Variants in NPAS3 observed in about 807,000 individuals in gnomAD.
The protein encoded by NPAS3 is neuronal PAS domain protein 3.
A neutral mutation model predicts 73.1 loss-of-function variants in NPAS3; 14 were observed. That is an observed-to-expected ratio of 0.19 (90% CI 0.13 to 0.30). NPAS3 has a LOEUF of 0.30. NPAS3 is among the 10% of genes least tolerant of loss of function. NPAS3 has a pLI of 1.00. For synonymous variants in NPAS3, 620 were observed against 541.5 expected (o/e 1.14, Z -2.01); for missense variants, 1,096 against 1,250.0 (o/e 0.88, Z 1.86).
intron 1 of NPAS3, among the ~76,000 whole-genome samples, chr14:32,963,730 G>A (rs1555310697): frequency 6.6e-6 from 1 of 152,106 alleles, no homozygotes; most frequent in South Asian, 2.1e-4. Context: ...TTAATTTTTA[G>A]TATTCAACTA....
chr14:33,647,772 G>T (rs1455589520), intron 5 of NPAS3, among the ~76,000 whole-genome samples: 4 of 151,994 alleles, frequency 2.6e-5, no homozygotes, highest in Non-Finnish European at 5.9e-5. Context: ...GTCACATCTT[G>T]CATGTTCCCG....
intron 4 of NPAS3, among the ~76,000 whole-genome samples, chr14:33,559,030 G>T (rs1258475288): frequency 6.6e-6 from 1 of 152,194 alleles, no homozygotes; most frequent in Non-Finnish European, 1.5e-5. Context: ...TTTGAATGCT[G>T]TATTGCAGTT....
intron 7 of NPAS3, among the ~76,000 whole-genome samples, chr14:33,772,032 C>T (rs757161942): frequency 2.6e-5 from 4 of 152,080 alleles, no homozygotes; most frequent in Non-Finnish European, 4.4e-5. Flanking sequence ...GAAGATAGAC[C>T]CTCCCAAATT....
intron 4 of NPAS3, among the ~76,000 whole-genome samples, chr14:33,513,267 T>C (rs2053145803): frequency 6.6e-6 from 1 of 152,024 alleles, no homozygotes; most frequent in Non-Finnish European, 1.5e-5. Flanking sequence ...TTGATCAGAT[T>C]CTAATGAACA....
intron 4 of NPAS3, among the ~76,000 whole-genome samples, chr14:33,434,586 G>A (rs2048909047): frequency 6.6e-6 from 1 of 151,840 alleles, no homozygotes; most frequent in Non-Finnish European, 1.5e-5. Flanking sequence ...GACTGAGAAA[G>A]TATTGTCAAG....
intron 4 of NPAS3, among the ~76,000 whole-genome samples, chr14:33,428,718 T>C (rs2048656677): frequency 1.3e-5 from 2 of 152,196 alleles, no homozygotes; most frequent in Admixed American, 1.3e-4. Context: ...TTTGTAAACA[T>C]AAACTATGCT....
intron 1 of NPAS3, 138 bp from the exon 2 acceptor site, chr14:33,055,767 G>T: frequency 3.6e-6 from 2 of 550,394 alleles, no homozygotes; most frequent in Admixed American, 3.1e-5. Flanking sequence ...TAAAATGTAT[G>T]TACACATTGC....
At chr14:33,088,758 A>T (rs1400634631) in intron 2 of NPAS3, among the ~76,000 whole-genome samples, 1 of 152,190 alleles carries the variant, frequency 6.6e-6, no homozygotes, top group Non-Finnish European at 1.5e-5. Flanking sequence ...CGAGTAGCCT[A>T]ACTGGGAGGA....
chr14:33,796,828 T>TC (rs1409490753), intron 10 of NPAS3, among the ~76,000 whole-genome samples: 1 of 152,138 alleles, frequency 6.6e-6, no homozygotes, highest in African/African-American at 2.4e-5. Context: ...ACTGGGACTC[T>TC]CCCCACTGCA....
At chr14:33,636,763 C>T (rs150564226) in intron 5 of NPAS3, among the ~76,000 whole-genome samples, 14 of 152,228 alleles carry the variant, frequency 9.2e-5, no homozygotes, top group African/African-American at 2.6e-4. Flanking sequence ...CCTGGCACAC[C>T]GGGGCCCTAA....
At position 33,301,802 on chromosome 14, in the gene NPAS3, T is replaced by C. The variant is rs190978707; in HGVS notation, c.386-65384T>C. On this transcript the variant is annotated intron_variant, in intron 3 of 11. Coordinates refer to ENST00000356141, the Ensembl canonical transcript of NPAS3. ...ACAGAGAATTATTTTTCTTACGTTA[T>C]ACATCAGTAGCCATGTTCATTTTTA... 4.6e-5 allele frequency among the ~76,000 whole-genome samples: 7 copies of C among 152,362 alleles called. No individual in the cohort carries two copies. In the East Asian group the frequency reaches 1.2e-3, roughly 25 times the overall value.
At chr14:33,484,389 A>G (rs2051479097) in intron 4 of NPAS3, among the ~76,000 whole-genome samples, 1 of 152,210 alleles carries the variant, frequency 6.6e-6, no homozygotes, top group South Asian at 2.1e-4. Context: ...TCGGAGCATT[A>G]CTTCATGACA....
At chr14:33,765,655 AT>A (rs888852549) in intron 7 of NPAS3, among the ~76,000 whole-genome samples, 1 of 152,190 alleles carries the variant, frequency 6.6e-6, no homozygotes, top group Non-Finnish European at 1.5e-5. Context: ...ACAGAGTAGG[AT>A]TTTTTTAAGT....
At chr14:33,686,411 A>ATTAC in intron 6 of NPAS3, among the ~76,000 whole-genome samples, 1 of 152,264 alleles carries the variant, frequency 6.6e-6, no homozygotes, top group South Asian at 2.1e-4. Flanking sequence ...ACATTATTTT[A>ATTAC]TTACTTATAA....
intron 2 of NPAS3, among the ~76,000 whole-genome samples, chr14:33,127,964 T>C (rs752362669): frequency 2.0e-5 from 3 of 152,294 alleles, no homozygotes; most frequent in Non-Finnish European, 2.9e-5. Context: ...AAGGAAATAT[T>C]TGGCCTCGAC....
chr14:33,333,056 A>C (rs981811296), intron 3 of NPAS3, among the ~76,000 whole-genome samples: 22 of 152,236 alleles, frequency 1.4e-4, no homozygotes, highest in Non-Finnish European at 1.0e-4. Flanking sequence ...TATGCATACA[A>C]TAGTCAGAGC....
chr14:33,081,532 G>C (rs1361854055), intron 2 of NPAS3, among the ~76,000 whole-genome samples: 3 of 152,170 alleles, frequency 2.0e-5, no homozygotes, highest in African/African-American at 7.2e-5. Context: ...TGTAAATAGA[G>C]ACTTCTTCTA....
At chr14:33,341,681 A>G (rs965555311) in intron 3 of NPAS3, among the ~76,000 whole-genome samples, 3 of 152,188 alleles carry the variant, frequency 2.0e-5, no homozygotes, top group African/African-American at 7.2e-5. Flanking sequence ...TTAGGCTGTC[A>G]TCTGACAGGT....
In NPAS3 at chr14:33,265,064, CTACTGAGA is replaced by C. The variant is rs2049119955; in HGVS notation, c.385+49639_385+49646del. Among the ~76,000 whole-genome samples, 3 of 152,332 alleles carry C rather than the reference CTACTGAGA, an allele frequency of 2.0e-5. No homozygotes were observed. In the South Asian group the frequency reaches 6.2e-4, roughly 32 times the overall value. ...TTCTAGCTACCATCATCACTACTACCTACTGAGAATACTCTTTTCTTCTTTGGTAGCTT... is the reference window on the plus strand; with the variant it reads ...TTCTAGCTACCATCATCACTACTACCATACTCTTTTCTTCTTTGGTAGCTT... On this transcript the variant is annotated intron_variant, in intron 3 of 11. Transcript: ENST00000356141.
Sources: gnomAD v4.1 joint callset for allele counts (sites outside exome capture counted in the v4.1 genomes callset) on GRCh38, gnomAD v4.1.1 for gene constraint, MANE v1.5 for transcripts, NCBI Gene and HGNC (gene_info 2026-07-23, HGNC 2026-07-21) for gene names.